OR52K1: variants seen among roughly 807,000 people sequenced by gnomAD.
OR52K1 encodes the protein olfactory receptor 52K1.
In OR52K1, 10 loss-of-function variants were observed where a neutral mutation model predicts 8.7. The ratio of observed to expected loss-of-function variants is 1.15; its 90% CI spans 0.71 to 1.95. OR52K1 has a LOEUF of 1.95. Among genes scored for constraint, OR52K1 ranks in the 30% most tolerant of loss-of-function variants. The probability of loss-of-function intolerance (pLI) is 0.00; values close to 1 mark genes in which losing one functional copy is unlikely to be tolerated. For synonymous variants in OR52K1, 203 were observed against 148.5 expected, an observed-to-expected ratio of 1.37 and a Z score of -2.67; for missense variants, 431 against 397.2, an observed-to-expected ratio of 1.08 and a Z score of -0.72.
rs1443528561 is a variant in OR52K1, at chr11:4,492,824, A to C, written c.*2979A>C. ...ATCATAGAAATAAAGACAAAAGATA[A>C]AGAGAAGAAAAGACAGCTGGGCCTG... is the stretch of plus-strand genomic sequence containing the variant. On this transcript the variant is annotated 3_prime_UTR_variant, in exon 2 of 2. Transcript: ENST00000641528. 1 of 179,520 alleles carries C rather than the reference A, an allele frequency of 5.6e-6. No homozygotes were observed. Among genetic ancestry groups the C allele is most frequent in the Non-Finnish European group, 1.1e-5 (1 of 89,706 alleles). The allele number at this position is 179,520 out of a possible 1,614,324, so 11.1% of individuals were successfully genotyped here. A position where few individuals can be genotyped will look rare whatever the true frequency, so the allele number is the denominator to read the frequency against.
intron 1 of OR52K1, among the ~76,000 whole-genome samples, chr11:4,486,354 T>C (rs1056639632): frequency 1.3e-5 from 2 of 152,246 alleles, no homozygotes; most frequent in African/African-American, 2.4e-5. Context: ...TCATGTGGAA[T>C]TGGATTATCC....
At chr11:4,484,833 G>GACACACACACAC (rs57428088) in intron 1 of OR52K1, among the ~76,000 whole-genome samples, 105 of 113,672 alleles carry the variant, frequency 9.2e-4, no homozygotes, top group African/African-American at 3.2e-3. Context: ...AAAACACACA[G>GACACACACACAC]ACACACACAC....
At position 4,491,276 on chromosome 11, in the gene OR52K1, A is replaced by C. The variant is rs1045625839; in HGVS notation, c.*1431A>C. Reference sequence around the variant, plus strand: ...TACTTCGAGAATCAGAAAGTTTATTAAAAAAAACAGATGCTAGTGAGGTTG... The same window carrying C: ...TACTTCGAGAATCAGAAAGTTTATTCAAAAAAACAGATGCTAGTGAGGTTG... On this transcript the variant is annotated 3_prime_UTR_variant, in exon 2 of 2. Transcript: ENST00000641528. 1 of 151,446 alleles carries C rather than the reference A, an allele frequency of 6.6e-6. No individual in the cohort carries two copies. Among genetic ancestry groups the C allele is most frequent in the African/African-American group, 2.4e-5 (1 of 41,346 alleles). The allele number at this position is 151,446 out of a possible 1,614,324, so 9.4% of individuals were successfully genotyped here.
chr11:4,493,186 G>C lies in OR52K1; in HGVS notation c.*3341G>C, dbSNP rs1467022762. ...GTGAAACAGGAGCGTGACTGCTGAA[G>C]CACAGCATCACAGGGATGCTGGATG... On this transcript the variant is annotated 3_prime_UTR_variant, in exon 2 of 2. Transcript: ENST00000641528. 6.6e-6 allele frequency: 1 copy of C among 152,324 alleles called. No individual in the cohort carries two copies. The highest frequency in any genetic ancestry group is 1.5e-5 in the Non-Finnish European group (1 of 68,120). 9.4% of individuals were successfully genotyped at this position (152,324 alleles called of 1,614,324 possible).
chr11:4,484,406 T>G (rs1846304042), intron 1 of OR52K1, among the ~76,000 whole-genome samples: 1 of 152,150 alleles, frequency 6.6e-6, no homozygotes, highest in African/African-American at 2.4e-5. Context: ...GTGTGCTTGC[T>G]GATGATTAAA....
chr11:4,487,797 C>G (rs1308862654), intron 1 of OR52K1, among the ~76,000 whole-genome samples: 1 of 152,008 alleles, frequency 6.6e-6, no homozygotes, highest in African/African-American at 2.4e-5. Flanking sequence ...AAAAGAATCT[C>G]ATTAAGTGGA....
rs1244722930 is a variant in OR52K1, at chr11:4,493,003, C to G, written c.*3158C>G. On this transcript the variant is annotated 3_prime_UTR_variant, in exon 2 of 2. Coordinates refer to ENST00000641528, the MANE Select transcript of OR52K1 (RefSeq NM_001005171.3). ...TCACATAAGTCACGTGTCCACTGGACAGGGGGCCCTTCCCTGTTTGGCAGC... is the reference window on the plus strand; with the variant it reads ...TCACATAAGTCACGTGTCCACTGGAGAGGGGGCCCTTCCCTGTTTGGCAGC... 2 of 154,530 alleles carry G rather than the reference C, an allele frequency of 1.3e-5. No individual in the cohort carries two copies. The highest frequency in any genetic ancestry group is 2.9e-5 in the Non-Finnish European group (2 of 69,788). The allele number at this position is 154,530 out of a possible 1,614,324, so 9.6% of individuals were successfully genotyped here.
Position 4,492,298 on chromosome 11 carries a change from T to C in OR52K1, c.*2453T>C, listed in dbSNP as rs1401488699. 1 of 152,098 alleles carries C rather than the reference T, an allele frequency of 6.6e-6. No homozygotes were observed. The highest frequency in any genetic ancestry group is 1.9e-4 in the East Asian group (1 of 5,190). 9.4% of individuals were successfully genotyped at this position (152,098 alleles called of 1,614,324 possible). A position where few individuals can be genotyped will look rare whatever the true frequency, so the allele number is the denominator to read the frequency against. ...AAAAAAAAAAATAAACTTTAAAATA[T>C]GGCTGGAAAGCTTATCTTTCATTCT... On this transcript the variant is annotated 3_prime_UTR_variant, in exon 2 of 2. Coordinates refer to ENST00000641528, the MANE Select transcript of OR52K1 (RefSeq NM_001005171.3).
Position 4,482,662 on chromosome 11 carries a change from A to AAG in OR52K1, c.-842_-841dup, listed in dbSNP as rs1846289118. Reference sequence around the variant, plus strand: ...CTAAGACTCCTTAGACTGAAAGAGGAAGGCGGCACTGGTGCTGCATGAAGC... The same window carrying AAG: ...CTAAGACTCCTTAGACTGAAAGAGGAAGAGGCGGCACTGGTGCTGCATGAAGC... On this transcript the variant is annotated 5_prime_UTR_variant, in exon 1 of 2. Coordinates refer to ENST00000641528, the MANE Select transcript of OR52K1 (RefSeq NM_001005171.3). 6.5e-6 allele frequency: 1 copy of AAG among 152,686 alleles called. No homozygotes were observed. 9.5% of individuals were successfully genotyped at this position (152,686 alleles called of 1,614,324 possible).
intron 1 of OR52K1, among the ~76,000 whole-genome samples, chr11:4,488,268 A>G (rs1846336619): frequency 6.6e-6 from 1 of 152,264 alleles, no homozygotes; most frequent in Non-Finnish European, 1.5e-5. Flanking sequence ...ACATGTGGCT[A>G]TTGAGCACGT....
chr11:4,489,620 T>G lies in OR52K1; in HGVS notation c.720T>G (p.Phe240Leu). The part of the protein sequence containing the change: ...LASQEARYKA[F>L]GTCVSHIGAI... ...CTCAGGAGGCCCGCTACAAGGCATT[T>G]GGGACATGTGTGTCTCACATAGGTG... The change falls in exon 2 of 2, where the codon TTT becomes TTG. Residue 240 changes from phenylalanine (F) to leucine (L), a missense_variant. Coordinates refer to ENST00000641528, the MANE Select transcript of OR52K1 (RefSeq NM_001005171.3). 1 of 1,614,194 alleles carries G rather than the reference T, an allele frequency of 6.2e-7. No homozygotes were observed. Among genetic ancestry groups the G allele is most frequent in the Non-Finnish European group, 8.5e-7 (1 of 1,179,990 alleles).
chr11:4,485,970 T>C (rs116445940), intron 1 of OR52K1, among the ~76,000 whole-genome samples: 2,920 of 152,326 alleles, frequency 0.019, 88 homozygotes, highest in African/African-American at 0.061. Context: ...GGGCATTTTC[T>C]CTGGCTGTTC....
At chr11:4,487,176 C>A (rs1190489935) in intron 1 of OR52K1, among the ~76,000 whole-genome samples, 12 of 152,092 alleles carry the variant, frequency 7.9e-5, no homozygotes, top group Non-Finnish European at 1.8e-4. Flanking sequence ...ACATGTTTCA[C>A]TGTAAAGAAA....
chr11:4,489,476 G>C lies in OR52K1; in HGVS notation c.576G>C (p.Gly192=), dbSNP rs1034370925. Residue 192 remains glycine (G), a synonymous_variant, in exon 2 of 2, where the codon GGG becomes GGC. Coordinates refer to ENST00000641528, the MANE Select transcript of OR52K1 (RefSeq NM_001005171.3). ...EHMAVVRLAC[G]DTSFNNIYGI... Reference sequence around the variant, plus strand: ...TGGCTGTGGTAAGGCTGGCGTGTGGGGACACTAGCTTCAACAATATCTATG... The same window carrying C: ...TGGCTGTGGTAAGGCTGGCGTGTGGCGACACTAGCTTCAACAATATCTATG... The C allele has an allele frequency of 6.2e-7, 1 of 1,614,068 alleles. No homozygotes were observed. Among genetic ancestry groups the C allele is most frequent in the African/African-American group, 1.3e-5 (1 of 74,940 alleles).
intron 1 of OR52K1, among the ~76,000 whole-genome samples, chr11:4,484,327 G>A (rs1313443433): frequency 6.6e-6 from 1 of 152,150 alleles, no homozygotes; most frequent in African/African-American, 2.4e-5. Flanking sequence ...CAAGGGTGAT[G>A]GTGTTGGAAG....
chr11:4,487,506 A>G (rs1398096931), intron 1 of OR52K1, among the ~76,000 whole-genome samples: 4 of 151,360 alleles, frequency 2.6e-5, no homozygotes, highest in Admixed American at 1.3e-4. Context: ...CATTTTCCAA[A>G]TGTTATGGAA....
Position 4,489,551 on chromosome 11 carries a change from C to A in OR52K1, c.651C>A (p.Ile217=), listed in dbSNP as rs769996238. Residue 217 remains isoleucine (I), a synonymous_variant, in exon 2 of 2, where the codon ATC becomes ATA. Coordinates refer to ENST00000641528, the MANE Select transcript of OR52K1 (RefSeq NM_001005171.3). ...FIVVLDLLFV[I]LSYVFILQAV... is the part of the protein sequence containing the mutation. ...TGGTGTTGGACCTGCTCTTTGTTATCCTGTCTTATGTCTTCATCCTTCAGG... is the reference window on the plus strand; with the variant it reads ...TGGTGTTGGACCTGCTCTTTGTTATACTGTCTTATGTCTTCATCCTTCAGG... The A allele has an allele frequency of 1.2e-6, 2 of 1,614,220 alleles. No individual in the cohort carries two copies. The highest frequency in any genetic ancestry group is 1.1e-5 in the South Asian group (1 of 91,090).
chr11:4,488,819 A>T lies in OR52K1; in HGVS notation c.-82A>T. On this transcript the variant is annotated 5_prime_UTR_variant, in exon 2 of 2. Transcript: ENST00000641528. ...TTGCAGGTGGGATAGCACAGGTTGA[A>T]CTCTAATCATATATACTGTAGAAGG... 1 of 929,178 alleles carries T rather than the reference A, an allele frequency of 1.1e-6. No homozygotes were observed. The highest frequency in any genetic ancestry group is 1.7e-6 in the Non-Finnish European group (1 of 594,590). The allele number at this position is 929,178 out of a possible 1,614,324, so 57.6% of individuals were successfully genotyped here.
chr11:4,486,736 C>G (rs1437251344), intron 1 of OR52K1, among the ~76,000 whole-genome samples: 1 of 152,144 alleles, frequency 6.6e-6, no homozygotes, highest in East Asian at 1.9e-4. Context: ...AGGGATCCAT[C>G]TGTTTTGTTC....
Sources: gnomAD v4.1 joint callset for allele counts (sites outside exome capture counted in the v4.1 genomes callset) on GRCh38, gnomAD v4.1.1 for gene constraint, MANE v1.5 for transcripts, NCBI Gene and HGNC (gene_info 2026-07-23, HGNC 2026-07-21) for gene names.